MIER1: variants seen among roughly 807,000 people sequenced by gnomAD.
The protein encoded by MIER1 is mesoderm induction early response protein 1.
A neutral mutation model predicts 75.7 loss-of-function variants in MIER1; 40 were observed. The observed-to-expected ratio is 0.53, with a 90% CI of 0.41 to 0.69. The LOEUF (loss-of-function observed/expected upper bound fraction) is 0.69, where lower values mean the gene tolerates loss of function less well. MIER1 is among the 30% of genes least tolerant of loss of function. MIER1 has a pLI of 0.00. For synonymous variants in MIER1, 213 were observed against 223.4 expected (o/e 0.95, Z 0.42); for missense variants, 574 against 680.2 (o/e 0.84, Z 1.74).
chr1:66,945,295 A>G (rs201911837), intron 3 of MIER1, among the ~76,000 whole-genome samples: 8,606 of 25,366 alleles, frequency 0.34, 787 homozygotes, highest in African/African-American at 0.47. Flanking sequence ...ATATATATAT[A>G]TATATATATA....
At chr1:66,935,928 G>A (rs1430603218) in intron 2 of MIER1, among the ~76,000 whole-genome samples, 1 of 151,708 alleles carries the variant, frequency 6.6e-6, no homozygotes, top group Non-Finnish European at 1.5e-5. Context: ...TTTCTAATCA[G>A]CTAATGCATG....
chr1:66,977,255 G>A (rs1300901275), intron 12 of MIER1, among the ~76,000 whole-genome samples: 3 of 151,994 alleles, frequency 2.0e-5, no homozygotes, highest in Non-Finnish European at 4.4e-5. Flanking sequence ...GATTACAGGT[G>A]CCTGCCATGA....
chr1:66,947,870 G>A, intron 4 of MIER1: 1 of 938,778 alleles, frequency 1.1e-6, no homozygotes, highest in South Asian at 4.9e-5. Context: ...CTGCTTCAAG[G>A]GTTTTCAGCT....
chr1:66,984,481 C>T, intron 13 of MIER1, 91 bp from the exon 14 acceptor site: 2 of 958,288 alleles, frequency 2.1e-6, no homozygotes, highest in Non-Finnish European at 3.1e-6. Context: ...ACCTTGCTTC[C>T]TTGATAACAA....
chr1:66,975,692 CATT>C (rs1038175098), intron 11 of MIER1, among the ~76,000 whole-genome samples: 2 of 152,100 alleles, frequency 1.3e-5, no homozygotes, highest in Non-Finnish European at 2.9e-5. Flanking sequence ...AGGCATTTAA[CATT>C]ATGTGAGGGG....
chr1:66,978,869 C>T (rs1665303478), intron 12 of MIER1, among the ~76,000 whole-genome samples: 1 of 152,156 alleles, frequency 6.6e-6, no homozygotes, highest in Non-Finnish European at 1.5e-5. Context: ...GTTCTAATTT[C>T]TCTATTGATC....
chr1:66,926,978 A>G (rs1181455408), intron 2 of MIER1, among the ~76,000 whole-genome samples: 5 of 152,228 alleles, frequency 3.3e-5, no homozygotes, highest in African/African-American at 9.6e-5. Flanking sequence ...ATAAAAGGTT[A>G]TATTTCTTAG....
At chr1:66,954,656 T>C (rs940526043) in intron 4 of MIER1, among the ~76,000 whole-genome samples, 33 of 152,142 alleles carry the variant, frequency 2.2e-4, no homozygotes, top group Admixed American at 1.7e-3. Flanking sequence ...GCTTAGTCAA[T>C]ATTGGAGGTG....
chr1:66,987,871 C>T lies in MIER1; in HGVS notation c.*2971C>T, dbSNP rs1666978769. 6.6e-6 allele frequency: 1 copy of T among 152,128 alleles called. No homozygotes were observed. The highest frequency in any genetic ancestry group is 2.4e-5 in the African/African-American group (1 of 41,376). 9.4% of individuals were successfully genotyped at this position (152,128 alleles called of 1,614,324 possible). A position where few individuals can be genotyped will look rare whatever the true frequency, so the allele number is the denominator to read the frequency against. Reference sequence around the variant, plus strand: ...ATCTTGGGTGATGTATTTTTGTCTTCTTCCCCTTTGCCACAAGAGATCCTT... The same window carrying T: ...ATCTTGGGTGATGTATTTTTGTCTTTTTCCCCTTTGCCACAAGAGATCCTT... On this transcript the variant is annotated 3_prime_UTR_variant, in exon 14 of 14. Coordinates refer to ENST00000401041, the MANE Select transcript of MIER1 (RefSeq NM_001077700.3).
At chr1:66,929,348 G>A (rs1490283355) in intron 2 of MIER1, among the ~76,000 whole-genome samples, 1 of 152,126 alleles carries the variant, frequency 6.6e-6, no homozygotes, top group Non-Finnish European at 1.5e-5. Flanking sequence ...CTTTCAAACT[G>A]GTTTAGTAAA....
intron 1 of MIER1, chr1:66,925,581 G>A: frequency 1.0e-6 from 1 of 980,018 alleles, no homozygotes. Context: ...TGGAGTCAGG[G>A]AGGGAGGAGA....
At chr1:66,947,867 A>G in intron 4 of MIER1, 1 of 928,138 alleles carries the variant, frequency 1.1e-6, no homozygotes, top group Non-Finnish European at 1.3e-6. Flanking sequence ...CTTCTGCTTC[A>G]AGGGTTTTCA....
chr1:66,954,382 CCTGA>C (rs1207967612), intron 4 of MIER1, among the ~76,000 whole-genome samples: 1 of 152,158 alleles, frequency 6.6e-6, no homozygotes, highest in African/African-American at 2.4e-5. Context: ...AAATAGTAAT[CCTGA>C]CTTTCATTAA....
At chr1:66,957,465 G>A (rs142716775) in intron 4 of MIER1, among the ~76,000 whole-genome samples, 5 of 152,066 alleles carry the variant, frequency 3.3e-5, no homozygotes, top group East Asian at 3.9e-4. Flanking sequence ...TAACAAGTCC[G>A]TATGATAGAT....
rs764590365 is a variant in MIER1, at chr1:66,986,383, T to G, written c.*1483T>G. 1 of 1,608,086 alleles carries G rather than the reference T, an allele frequency of 6.2e-7. No homozygotes were observed. The highest frequency in any genetic ancestry group is 1.1e-5 in the South Asian group (1 of 89,792). ...CCAAACTTTTATAAAATATTAATTA[T>G]TCTTGTTTTTCTCACACAGGCATAC... On this transcript the variant is annotated 3_prime_UTR_variant, in exon 14 of 14. Coordinates refer to ENST00000401041, the MANE Select transcript of MIER1 (RefSeq NM_001077700.3).
At chr1:66,949,696 T>C (rs1658479705) in intron 4 of MIER1, among the ~76,000 whole-genome samples, 1 of 152,258 alleles carries the variant, frequency 6.6e-6, no homozygotes, top group African/African-American at 2.4e-5. Context: ...AAAATTCTTG[T>C]TGTGTTTATT....
intron 3 of MIER1, among the ~76,000 whole-genome samples, chr1:66,944,463 T>G (rs1657004085): frequency 1.3e-5 from 2 of 151,192 alleles, no homozygotes; most frequent in South Asian, 4.2e-4. Context: ...TAGTACAATA[T>G]TTTACAGACA....
intron 3 of MIER1, among the ~76,000 whole-genome samples, chr1:66,942,818 G>T (rs1433158959): frequency 6.6e-6 from 1 of 151,960 alleles, no homozygotes; most frequent in Admixed American, 6.5e-5. Context: ...ACACTTTGTT[G>T]TTTGATGTAA....
intron 13 of MIER1, among the ~76,000 whole-genome samples, chr1:66,982,939 G>C (rs1251728906): frequency 6.6e-6 from 1 of 152,110 alleles, no homozygotes; most frequent in Non-Finnish European, 1.5e-5. Context: ...TCTGACCTTG[G>C]GACTAACCGT....
Sources: gnomAD v4.1 joint callset for allele counts (sites outside exome capture counted in the v4.1 genomes callset) on GRCh38, gnomAD v4.1.1 for gene constraint, MANE v1.5 for transcripts, NCBI Gene and HGNC (gene_info 2026-07-23, HGNC 2026-07-21) for gene names.